PHF12: variants seen among roughly 807,000 people sequenced by gnomAD.
PHF12 encodes PHD factor 1.
A neutral mutation model predicts 99.8 loss-of-function variants in PHF12; 6 were observed. The observed-to-expected ratio is 0.06, with a 90% CI of 0.03 to 0.12. The LOEUF (loss-of-function observed/expected upper bound fraction) is 0.12. Ranked by LOEUF, PHF12 falls within the 10% of genes least tolerant of loss-of-function variation. PHF12 has a pLI of 1.00. For missense variants in PHF12, 954 were observed against 1,300.1 expected, an observed-to-expected ratio of 0.73 and a Z score of 4.09; for synonymous variants, 480 against 514.9, an observed-to-expected ratio of 0.93 and a Z score of 0.92.
At chr17:28,948,042 T>C (rs2040748341) in intron 2 of PHF12, among the ~76,000 whole-genome samples, 1 of 152,202 alleles carries the variant, frequency 6.6e-6, no homozygotes, top group Admixed American at 6.5e-5. Flanking sequence ...ATTAAAAAAT[T>C]CAGAGGTTAG....
Position 28,908,792 on chromosome 17 carries a change from T to A in PHF12, c.2449A>T (p.Ile817Phe). 10 of 1,614,020 alleles carry A rather than the reference T, an allele frequency of 6.2e-6. No individual in the cohort carries two copies. Among genetic ancestry groups the A allele is most frequent in the Non-Finnish European group, 8.5e-6 (10 of 1,179,958 alleles). ...AVNMCYRTLY[I>F]GTGADMDVCL... ...TTCCTGGCTGGCTCACCTGTCCCGA[T>A]GTAGAGGGTTCGATAGCACATGTTC... is the stretch of plus-strand genomic sequence containing the variant. Residue 817 changes from isoleucine to phenylalanine, a missense_variant, in exon 12 of 15, where the codon ATC becomes TTC. Ile to Phe is a conservative substitution (Grantham distance 21). Around this residue, in one of 8 missense-constraint regions of PHF12, gnomAD observed 143 missense variants for 191.8 expected, o/e 0.75. Coordinates refer to ENST00000332830, the MANE Select transcript of PHF12 (RefSeq NM_001033561.2).
At chr17:28,943,784 A>G (rs1444346975) in intron 2 of PHF12, among the ~76,000 whole-genome samples, 1 of 152,234 alleles carries the variant, frequency 6.6e-6, no homozygotes, top group South Asian at 2.1e-4. Flanking sequence ...TCATCCATAC[A>G]ATGGAATATT....
chr17:28,920,840 C>T (rs557664097), intron 5 of PHF12, among the ~76,000 whole-genome samples: 4 of 151,874 alleles, frequency 2.6e-5, no homozygotes, highest in Non-Finnish European at 4.4e-5. Context: ...GGATTACAGG[C>T]GTGAGCCACC....
chr17:28,906,270 G>A lies in PHF12; in HGVS notation c.2928C>T (p.Ala976=), dbSNP rs759813329. The part of the protein sequence containing the change: ...EFATKQPKGD[A]SLLQDGVLAE... ...CCAAGACCCCATCCTGCAGCAGGCT[G>A]GCATCGCCTTTGGGCTGTTTGGTCG... Residue 976 remains alanine (A), a synonymous_variant, in exon 15 of 15, where the codon GCC becomes GCT. Coordinates refer to ENST00000332830, the MANE Select transcript of PHF12 (RefSeq NM_001033561.2). This position sits in a 1 kb window ranked among gnomAD's most constrained non-coding sequence, Gnocchi z 4.2. 79 of 1,613,966 alleles carry A rather than the reference G, an allele frequency of 4.9e-5. No homozygotes were observed. The highest frequency in any genetic ancestry group is 6.4e-5 in the Non-Finnish European group (76 of 1,179,816).
chr17:28,912,880 C>A lies in PHF12; in HGVS notation c.1691G>T (p.Arg564Leu). 1 of 1,612,358 alleles carries A rather than the reference C, an allele frequency of 6.2e-7. No individual in the cohort carries two copies. Among genetic ancestry groups the A allele is most frequent in the Non-Finnish European group, 8.5e-7 (1 of 1,178,712 alleles). The change falls in exon 9 of 15, where the codon CGA (arginine) becomes CTA (leucine). Residue 564 changes from arginine to leucine, a missense_variant. Physicochemically the swap from Arg to Leu is moderately radical, Grantham distance 102 (BLOSUM62 -2). This residue lies in a region of PHF12 where 392 missense variants were observed against 423.1 expected (regional missense o/e 0.93). Coordinates refer to ENST00000332830, the MANE Select transcript of PHF12 (RefSeq NM_001033561.2). ...SSPTDSTDPR[R>L]LPGANTPLPG... ...TAGTGGGGTGTTAGCGCCTGGAAGT[C>A]GCCGGGGGTCCGTGGAATCAGTAGG...
intron 4 of PHF12, among the ~76,000 whole-genome samples, chr17:28,922,064 A>G (rs564455852): frequency 6.6e-6 from 1 of 152,350 alleles, no homozygotes; most frequent in African/African-American, 2.4e-5. Context: ...ACTGTTTTGC[A>G]AACATAAAAT....
At chr17:28,916,283 C>G (rs1179957948) in intron 7 of PHF12, among the ~76,000 whole-genome samples, 1 of 152,178 alleles carries the variant, frequency 6.6e-6, no homozygotes, top group Non-Finnish European at 1.5e-5. Flanking sequence ...CAACCTCCAC[C>G]TCCCAGGTTC....
rs1436831209 is a variant in PHF12, at chr17:28,951,001, C to G, written c.-41G>C. 1 of 1,611,754 alleles carries G rather than the reference C, an allele frequency of 6.2e-7. No homozygotes were observed. On this transcript the variant is annotated 5_prime_UTR_variant, in exon 1 of 15. Coordinates refer to ENST00000332830, the MANE Select transcript of PHF12 (RefSeq NM_001033561.2). ...GCTGGGTGCTCTCTGCTCCGGCCCC[C>G]CCAACCCCGGGGGGAGGGGGGAGGT...
At chr17:28,907,886 A>G in intron 12 of PHF12, 1 of 463,060 alleles carries the variant, frequency 2.2e-6, no homozygotes, top group Non-Finnish European at 4.0e-6. Flanking sequence ...CTGCCAGCTG[A>G]TCTGCTTTAG....
chr17:28,942,478 C>T (rs965209480), intron 2 of PHF12, among the ~76,000 whole-genome samples: 14 of 152,038 alleles, frequency 9.2e-5, no homozygotes, highest in African/African-American at 3.1e-4. Context: ...TATGACTGTG[C>T]CACTGCCCTC....
At chr17:28,932,158 G>T (rs1348689217) in intron 2 of PHF12, among the ~76,000 whole-genome samples, 1 of 151,878 alleles carries the variant, frequency 6.6e-6, no homozygotes, top group Non-Finnish European at 1.5e-5. Flanking sequence ...TTGAGGCAGG[G>T]TCTCACTCTG....
At chr17:28,948,475 C>A (rs963042280) in intron 2 of PHF12, among the ~76,000 whole-genome samples, 1 of 152,172 alleles carries the variant, frequency 6.6e-6, no homozygotes, top group African/African-American at 2.4e-5. Context: ...AATTTTAAAG[C>A]CAGCAGCAAA....
chr17:28,918,693 C>A (rs2040104301), intron 6 of PHF12, among the ~76,000 whole-genome samples: 1 of 152,160 alleles, frequency 6.6e-6, no homozygotes. Flanking sequence ...CTTTTCTAGC[C>A]TCAGTCTGGA....
intron 11 of PHF12, chr17:28,909,424 A>C (rs1307230517): frequency 6.5e-6 from 1 of 154,554 alleles, no homozygotes; most frequent in South Asian, 2.0e-4. Flanking sequence ...TGCGAACCAC[A>C]CTTTGAAGCA....
At chr17:28,925,344 G>T (rs940364859) in intron 3 of PHF12, 1 of 152,212 alleles carries the variant, frequency 6.6e-6, no homozygotes, top group African/African-American at 2.4e-5. Flanking sequence ...TATACGAAAG[G>T]GATAATTTGG....
chr17:28,916,118 G>A (rs1428237842), intron 7 of PHF12, among the ~76,000 whole-genome samples: 1 of 152,224 alleles, frequency 6.6e-6, no homozygotes, highest in Non-Finnish European at 1.5e-5. Context: ...TATTTGCCCA[G>A]TTAAGTTTGT....
At chr17:28,945,052 A>G (rs1400282801) in intron 2 of PHF12, 2 of 152,198 alleles carry the variant, frequency 1.3e-5, no homozygotes, top group Admixed American at 6.5e-5. Context: ...AGGTGAGAGG[A>G]CTGCTTGACG....
intron 2 of PHF12, among the ~76,000 whole-genome samples, chr17:28,943,814 A>AT (rs2040668757): frequency 6.6e-6 from 1 of 152,242 alleles, no homozygotes; most frequent in South Asian, 2.1e-4. Context: ...TTAAAAAGCA[A>AT]TGTAAGTATT....
rs1340374779 is a variant in PHF12 at position 28,950,020 on chromosome 17, G to A, written c.248+45C>T. On this transcript the variant is annotated intron_variant, in intron 2 of 14. Transcript: ENST00000332830. This position sits in a 1 kb window ranked among gnomAD's most constrained non-coding sequence, Gnocchi z 5.7. The stretch of plus-strand genomic sequence containing the variant: ...GGCAGGCCGGGTGAAGGAATGCGCA[G>A]AGAAGGGTCCGCCAAGAAGCTCCAA... The A allele has an allele frequency of 1.3e-6, 2 of 1,521,432 alleles. No homozygotes were observed. Among genetic ancestry groups the A allele is most frequent in the Admixed American group, 4.0e-5 (2 of 50,056 alleles). 94.2% of individuals were successfully genotyped at this position (1,521,432 alleles called of 1,614,324 possible).
Sources: allele counts gnomAD v4.1 joint callset (sites outside exome capture counted in the v4.1 genomes callset), GRCh38; gene constraint gnomAD v4.1.1; regional missense constraint gnomAD v4.1.1; non-coding constraint Gnocchi (gnomAD v3.1); transcripts MANE v1.5; gene names NCBI Gene and HGNC (gene_info 2026-07-23, HGNC 2026-07-21).